Variants in SAMD12 observed in about 807,000 individuals in gnomAD.
SAMD12 encodes the protein sterile alpha motif domain containing 12.
In SAMD12, 9 loss-of-function variants were observed where a neutral mutation model predicts 15.0. The observed-to-expected ratio is 0.60, with a 90% CI of 0.36 to 1.05. The LOEUF (loss-of-function observed/expected upper bound fraction) is 1.05, where lower values mean the gene tolerates loss of function less well. Among genes scored for constraint, SAMD12 ranks in the 50% least tolerant of loss-of-function variants. SAMD12 has a pLI of 0.01. For missense variants in SAMD12, 230 were observed against 234.2 expected (o/e 0.98, Z 0.12); for synonymous variants, 86 against 90.1 (o/e 0.96, Z 0.25).
rs529784984 is a variant in SAMD12, at chr8:118,521,363, C to G, written c.192+59352G>C. Among the ~76,000 whole-genome samples, 74 of 152,336 alleles carry G rather than the reference C, an allele frequency of 4.9e-4. 1 individual carries two copies. Among genetic ancestry groups the G allele is most frequent in the African/African-American group, 1.7e-3 (72 of 41,584 alleles). On this transcript the variant is annotated intron_variant, in intron 2 of 3. Transcript: ENST00000314727. ...GAGGCTGAGCACAGGGGCTCTCACT[C>G]TCAGATGCTGGCTGTGTTATATGTA...
intron 3 of SAMD12, among the ~76,000 whole-genome samples, chr8:118,396,195 T>C (rs1018938263): frequency 6.6e-5 from 10 of 152,106 alleles, no homozygotes; most frequent in African/African-American, 2.2e-4. Context: ...GCAAGCTCTG[T>C]GAGCTTGAGT....
rs1323626378 is a variant in SAMD12 at position 118,401,232 on chromosome 8, C to T, written c.323-21532G>A. ...GCAGAAAATATTCCTAGAGTTCTCC[C>T]TTATTCATAGAGTACTTTGAAAACT... On this transcript the variant is annotated intron_variant, in intron 3 of 3. Coordinates refer to ENST00000314727, the MANE Select transcript of SAMD12 (RefSeq NM_207506.3). 2.0e-5 allele frequency among the ~76,000 whole-genome samples: 3 copies of T among 152,192 alleles called. No homozygotes were observed. In the East Asian group the frequency reaches 5.8e-4, roughly 29 times the overall value.
chr8:118,545,162 T>A (rs1397040612), intron 2 of SAMD12, among the ~76,000 whole-genome samples: 1 of 152,146 alleles, frequency 6.6e-6, no homozygotes, highest in Non-Finnish European at 1.5e-5. Flanking sequence ...CATGCACACA[T>A]ATATTTTAAA....
Position 118,486,221 on chromosome 8 carries a change from T to C in SAMD12, c.193-46260A>G, listed in dbSNP as rs144922625. Among the ~76,000 whole-genome samples the C allele has an allele frequency of 4.6e-5, 7 of 152,062 alleles. No individual in the cohort carries two copies. The East Asian group carries it at 7.8e-4, about 17-fold the overall frequency. ...CGAGGTCAGGAGATAGAGACCATCC[T>C]GGCTAACACGGTGAAACTCCGTCTC... On this transcript the variant is annotated intron_variant, in intron 2 of 3. Transcript: ENST00000314727.
intron 2 of SAMD12, among the ~76,000 whole-genome samples, chr8:118,449,296 C>T (rs976726092): frequency 4.0e-5 from 6 of 151,844 alleles, no homozygotes; most frequent in South Asian, 2.1e-4. Flanking sequence ...CTCGTGACCT[C>T]GTGATCCACC....
chr8:118,145,746 A>G, the SAMD12 span, among the ~76,000 whole-genome samples: 1 of 152,232 alleles, frequency 6.6e-6, no homozygotes, highest in Admixed American at 6.5e-5. Flanking sequence ...AGGAAGAGAG[A>G]GCCTCAGACT....
chr8:118,329,537 C>T (rs928319042), intron 4 of SAMD12, among the ~76,000 whole-genome samples: 2 of 152,112 alleles, frequency 1.3e-5, no homozygotes, highest in Admixed American at 6.6e-5. Context: ...TCTCCCTGAT[C>T]CCCGCCCTTC....
Position 118,503,781 on chromosome 8 carries a change from C to G in SAMD12, c.193-63820G>C, listed in dbSNP as rs546554359. On this transcript the variant is annotated intron_variant, in intron 2 of 3. Transcript: ENST00000314727. ...ACCACCACCTCTTTTTCTGCCCAGGCGAAATCCAGTTAAAATAAACACTCA... is the reference window on the plus strand; with the variant it reads ...ACCACCACCTCTTTTTCTGCCCAGGGGAAATCCAGTTAAAATAAACACTCA... Among the ~76,000 whole-genome samples, 15 of 152,100 alleles carry G rather than the reference C, an allele frequency of 9.9e-5. No individual in the cohort carries two copies. In the South Asian group the frequency reaches 1.7e-3, roughly 17 times the overall value.
downstream of SAMD12, among the ~76,000 whole-genome samples, chr8:118,376,542 G>C (rs1052781607): frequency 1.3e-5 from 2 of 152,126 alleles, no homozygotes; most frequent in African/African-American, 4.8e-5. Context: ...AGAATTGTAA[G>C]AGAGAAATTT....
At chr8:118,610,678 C>G (rs189694990) in intron 1 of SAMD12, among the ~76,000 whole-genome samples, 1 of 152,130 alleles carries the variant, frequency 6.6e-6, no homozygotes, top group Non-Finnish European at 1.5e-5. Context: ...AAGCCAGATA[C>G]GGTTGTAGGC....
chr8:118,568,716 A>C (rs1826921561), intron 2 of SAMD12, among the ~76,000 whole-genome samples: 1 of 152,152 alleles, frequency 6.6e-6, no homozygotes, highest in Non-Finnish European at 1.5e-5. Context: ...GGAGTTATTG[A>C]CTTTAGTCAG....
intron 2 of SAMD12, among the ~76,000 whole-genome samples, chr8:118,502,786 C>T (rs964795954): frequency 2.6e-5 from 4 of 152,148 alleles, no homozygotes; most frequent in African/African-American, 7.2e-5. Context: ...ATGCAGAGAA[C>T]GATTTTGAAA....
chr8:118,569,900 T>A (rs1192951785), intron 2 of SAMD12, among the ~76,000 whole-genome samples: 1 of 152,220 alleles, frequency 6.6e-6, no homozygotes, highest in Non-Finnish European at 1.5e-5. Flanking sequence ...AAATCAACAT[T>A]TGAAAACGAT....
chr8:118,510,440 T>C (rs1419466353), intron 2 of SAMD12, among the ~76,000 whole-genome samples: 16 of 152,180 alleles, frequency 1.1e-4, no homozygotes, highest in Non-Finnish European at 1.3e-4. Flanking sequence ...ACTACACATG[T>C]TTTATAGAGG....
At chr8:118,147,403 C>T in the SAMD12 span, among the ~76,000 whole-genome samples, 1 of 151,756 alleles carries the variant, frequency 6.6e-6, no homozygotes. Context: ...TCTTGTTGCC[C>T]AGGCTGGAGT....
At chr8:118,162,647 A>G in the SAMD12 span, among the ~76,000 whole-genome samples, 1 of 152,120 alleles carries the variant, frequency 6.6e-6, no homozygotes, top group Non-Finnish European at 1.5e-5. Flanking sequence ...AAGGGTGGAG[A>G]CCACATCACA....
intron 2 of SAMD12, among the ~76,000 whole-genome samples, chr8:118,567,832 G>C (rs1826893216): frequency 6.6e-6 from 1 of 152,316 alleles, no homozygotes; most frequent in Non-Finnish European, 1.5e-5. Context: ...GACATTGTAG[G>C]TGTGATTTAA....
chr8:118,138,064 G>A, the SAMD12 span, among the ~76,000 whole-genome samples: 1 of 152,056 alleles, frequency 6.6e-6, no homozygotes, highest in Non-Finnish European at 1.5e-5. Context: ...ACAGACATGT[G>A]CTGGGAATGG....
intron 4 of SAMD12, among the ~76,000 whole-genome samples, chr8:118,295,211 A>G (rs1324124998): frequency 2.6e-5 from 4 of 152,202 alleles, no homozygotes; most frequent in Non-Finnish European, 5.9e-5. Context: ...TCAGAACTCT[A>G]AATTATTGCT....
Sources: gnomAD v4.1 joint callset for allele counts (sites outside exome capture counted in the v4.1 genomes callset) on GRCh38, gnomAD v4.1.1 for gene constraint, MANE v1.5 for transcripts, NCBI Gene and HGNC (gene_info 2026-07-23, HGNC 2026-07-21) for gene names.